The following USP44 variants were observed in gnomAD, a reference collection of about 807,000 sequenced individuals.
The protein encoded by USP44 is ubiquitin carboxyl-terminal hydrolase 44.
Under a neutral mutation model 69.0 loss-of-function variants are expected in USP44, and 61 were observed. The ratio of observed to expected loss-of-function variants is 0.88; its 90% CI spans 0.72 to 1.09. USP44 has a LOEUF of 1.09. Among genes scored for constraint, USP44 ranks in the 50% least tolerant of loss-of-function variants. USP44 has a pLI of 0.00. For synonymous variants in USP44, 297 were observed against 295.4 expected (o/e 1.01, Z -0.06); for missense variants, 753 against 849.9 (o/e 0.89, Z 1.42).
intron 1 of USP44, among the ~76,000 whole-genome samples, chr12:95,549,467 T>C (rs567516708): frequency 6.6e-6 from 1 of 152,232 alleles, no homozygotes; most frequent in African/African-American, 2.4e-5. Context: ...AACAGGAAAG[T>C]CAAGGCTAAG....
At chr12:95,525,140 C>T (rs2076794795) in intron 3 of USP44, among the ~76,000 whole-genome samples, 1 of 152,212 alleles carries the variant, frequency 6.6e-6, no homozygotes, top group Admixed American at 6.5e-5. Context: ...GGCACAATCT[C>T]GGCTCACCAC....
At chr12:95,530,646 T>TATAGGTAG (rs1555199778) in intron 2 of USP44, among the ~76,000 whole-genome samples, 13 of 147,336 alleles carry the variant, frequency 8.8e-5, no homozygotes, top group African/African-American at 3.3e-4. Context: ...CTACTGGAAA[T>TATAGGTAG]ATAGATAGAT....
intron 1 of USP44, among the ~76,000 whole-genome samples, chr12:95,543,530 A>C (rs891772854): frequency 5.3e-5 from 8 of 151,962 alleles, no homozygotes; most frequent in Non-Finnish European, 1.2e-4. Flanking sequence ...ATGTTTTTCC[A>C]GCAATATTGT....
Position 95,548,154 on chromosome 12 carries a change from G to A in USP44, c.-71+3118C>T, listed in dbSNP as rs911249160. ...AGCGGCAGCAGGTGCCGGCAGCGCG[G>A]GGACCGATCGATGGAGAGAAGGCGG... On this transcript the variant is annotated intron_variant, in intron 1 of 5. Coordinates refer to ENST00000258499, the MANE Select transcript of USP44 (RefSeq NM_032147.5). The surrounding 1 kb of genome is among the most constrained non-coding windows in gnomAD (Gnocchi z 4.1). The A allele has an allele frequency of 2.6e-5, 4 of 152,238 alleles. No individual in the cohort carries two copies. The highest frequency in any genetic ancestry group is 1.3e-4 in the Admixed American group (2 of 15,278). 9.4% of individuals were successfully genotyped at this position (152,238 alleles called of 1,614,324 possible).
chr12:95,549,435 GA>G (rs2077683041), intron 1 of USP44, among the ~76,000 whole-genome samples: 2 of 152,322 alleles, frequency 1.3e-5, no homozygotes, highest in East Asian at 3.9e-4. Context: ...TACCGAAAAG[GA>G]AAAGGAGGGG....
At chr12:95,525,363 C>G (rs569217978) in intron 3 of USP44, among the ~76,000 whole-genome samples, 2 of 152,258 alleles carry the variant, frequency 1.3e-5, no homozygotes, top group South Asian at 4.1e-4. Context: ...AGCCACTGCA[C>G]CCAGCCATAA....
At position 95,548,364 on chromosome 12, in the gene USP44, G is replaced by C. The variant is rs1013441715; in HGVS notation, c.-71+2908C>G. 6.6e-6 allele frequency: 1 copy of C among 152,436 alleles called. No homozygotes were observed. Among genetic ancestry groups the C allele is most frequent in the African/African-American group, 2.4e-5 (1 of 41,406 alleles). The allele number at this position is 152,436 out of a possible 1,614,324, so 9.4% of individuals were successfully genotyped here. On this transcript the variant is annotated intron_variant, in intron 1 of 5. Coordinates refer to ENST00000258499, the MANE Select transcript of USP44 (RefSeq NM_032147.5). This position sits in a 1 kb window ranked among gnomAD's most constrained non-coding sequence, Gnocchi z 4.1. ...AGCCCCGCGCCCACCTCTCCACGAC[G>C]CTCGTGCCGGGATCAGCGCGAAGCC... is the stretch of plus-strand genomic sequence containing the variant.
At chr12:95,530,443 A>G (rs748266756) in intron 2 of USP44, among the ~76,000 whole-genome samples, 6 of 152,156 alleles carry the variant, frequency 3.9e-5, no homozygotes, top group Admixed American at 1.3e-4. Context: ...CAACACAGTG[A>G]GACCTTGTCT....
At chr12:95,544,083 C>A in intron 1 of USP44, among the ~76,000 whole-genome samples, 1 of 108,760 alleles carries the variant, frequency 9.2e-6, no homozygotes, top group South Asian at 3.7e-4. Flanking sequence ...GAGATGGAGT[C>A]TCGCTCTGTC....
intron 1 of USP44, chr12:95,546,647 G>C (rs2140389788): frequency 6.6e-6 from 1 of 152,254 alleles, no homozygotes; most frequent in East Asian, 1.9e-4. Context: ...ATTAGAATCT[G>C]GCACCCACGT....
At position 95,548,414 on chromosome 12, in the gene USP44, C is replaced by G; in HGVS notation, c.-71+2858G>C. The G allele has an allele frequency of 6.5e-6, 1 of 152,740 alleles. No individual in the cohort carries two copies. The allele number at this position is 152,740 out of a possible 1,614,324, so 9.5% of individuals were successfully genotyped here. On this transcript the variant is annotated intron_variant, in intron 1 of 5. Transcript: ENST00000258499. This position sits in a 1 kb window ranked among gnomAD's most constrained non-coding sequence, Gnocchi z 4.1. ...CCCTTCCAGTCCCCGAAGCCCTCGC[C>G]CGCGCCCGTTCTCCCCCAGCTCGCC... is the stretch of plus-strand genomic sequence containing the variant.
chr12:95,550,978 C>CTTT (rs2077713958), intron 1 of USP44, among the ~76,000 whole-genome samples: 1 of 152,124 alleles, frequency 6.6e-6, no homozygotes, highest in Admixed American at 6.5e-5. Flanking sequence ...GCTTTTTCTT[C>CTTT]ATACTTATTA....
chr12:95,522,055 T>C, intron 4 of USP44: 1 of 985,440 alleles, frequency 1.0e-6, no homozygotes, highest in Non-Finnish European at 1.2e-6. Context: ...CTGGTCATAC[T>C]TCCCATTACT....
rs760280379 is a variant in USP44 at position 95,533,029 on chromosome 12, A to G, written c.1228T>C (p.Trp410Arg). The G allele has an allele frequency of 6.2e-7, 1 of 1,614,226 alleles. No homozygotes were observed. Among genetic ancestry groups the G allele is most frequent in the Admixed American group, 1.7e-5 (1 of 60,024 alleles). ...CCACGAAAGGCAGGAATGAGTCTCC[A>G]CACTGAGTGTAGCATAGCAAATGGT... ...VSPFAMLHSV[W>R]RLIPAFRGYA... Residue 410 changes from tryptophan to arginine, a missense_variant, in exon 2 of 6, where the codon TGG (tryptophan) becomes CGG (arginine). By Grantham distance (101) the Trp-to-Arg change is moderately radical. Transcript: ENST00000258499.
chr12:95,534,306 A>G lies in USP44; in HGVS notation c.-50T>C. ...ATAATCCAAACAAGTCTCTGTTCAC[A>G]ACACTTGAAGCATCTGAAAACTAAA... On this transcript the variant is annotated 5_prime_UTR_variant, in exon 2 of 6. Transcript: ENST00000258499. 1 of 1,514,552 alleles carries G rather than the reference A, an allele frequency of 6.6e-7. No individual in the cohort carries two copies. Among genetic ancestry groups the G allele is most frequent in the Non-Finnish European group, 9.0e-7 (1 of 1,112,940 alleles). The allele number at this position is 1,514,552 out of a possible 1,614,324, so 93.8% of individuals were successfully genotyped here. A position where few individuals can be genotyped will look rare whatever the true frequency, so the allele number is the denominator to read the frequency against.
intron 4 of USP44, among the ~76,000 whole-genome samples, chr12:95,521,505 T>G (rs1030301813): frequency 6.6e-6 from 1 of 152,190 alleles, no homozygotes; most frequent in Non-Finnish European, 1.5e-5. Context: ...GATTTTTTTG[T>G]TTTTTGTTGT....
At chr12:95,546,131 G>A (rs2077562789) in intron 1 of USP44, among the ~76,000 whole-genome samples, 1 of 152,140 alleles carries the variant, frequency 6.6e-6, no homozygotes, top group African/African-American at 2.4e-5. Context: ...TTTATCATCA[G>A]TGTCACATCA....
chr12:95,520,125 C>CT (rs1436899920), intron 5 of USP44, among the ~76,000 whole-genome samples: 2 of 94,700 alleles, frequency 2.1e-5, no homozygotes, highest in African/African-American at 8.6e-5. Flanking sequence ...CCTCACCTCT[C>CT]TTTTTCTGTT....
rs566669122 is a variant in USP44 at position 95,540,209 on chromosome 12, C to T, written c.-70-5883G>A. On this transcript the variant is annotated intron_variant, in intron 1 of 5. Transcript: ENST00000258499. The stretch of plus-strand genomic sequence containing the variant: ...ACCAGTCTCAGGCACAACCCAAAGT[C>T]AGCTTACCTACGCAACTTACCTTCC... 9.8e-5 allele frequency among the ~76,000 whole-genome samples: 15 copies of T among 152,302 alleles called. No individual in the cohort carries two copies. In the South Asian group the frequency reaches 3.1e-3, roughly 32 times the overall value.
Sources: allele counts gnomAD v4.1 joint callset (sites outside exome capture counted in the v4.1 genomes callset), GRCh38; gene constraint gnomAD v4.1.1; non-coding constraint Gnocchi (gnomAD v3.1); transcripts MANE v1.5; gene names NCBI Gene and HGNC (gene_info 2026-07-23, HGNC 2026-07-21).